Variants in GRXCR1 observed in about 807,000 individuals in gnomAD.
The protein encoded by GRXCR1 is glutaredoxin and cysteine rich domain containing 1, also known as glutaredoxin domain-containing cysteine-rich protein 1.
Under a neutral mutation model 27.3 loss-of-function variants are expected in GRXCR1, and 27 were observed. The ratio of observed to expected loss-of-function variants is 0.99; its 90% CI spans 0.73 to 1.37. The LOEUF is 1.37. GRXCR1 is among the 40% of genes most tolerant of loss of function. The pLI is 0.00. For missense variants in GRXCR1, 379 were observed against 354.4 expected (o/e 1.07, Z -0.56); for synonymous variants, 122 against 131.1 (o/e 0.93, Z 0.47).
chr4:43,024,030 G>C lies in GRXCR1; in HGVS notation c.693+3611G>C, dbSNP rs116282011. 4.4e-3 allele frequency among the ~76,000 whole-genome samples: 676 copies of C among 152,168 alleles called. 9 individuals carry two copies. Among genetic ancestry groups the C allele is most frequent in the African/African-American group, 0.014 (567 of 41,522 alleles). ...TCCATGCAGGGAGAGCCAGGGGAGT[G>C]CTGAGATATATTACCATACCACTGG... On this transcript the variant is annotated intron_variant, in intron 3 of 3. Coordinates refer to ENST00000399770, the MANE Select transcript of GRXCR1 (RefSeq NM_001080476.3).
intron 2 of GRXCR1, among the ~76,000 whole-genome samples, chr4:42,995,418 A>T (rs1417462901): frequency 1.3e-5 from 2 of 151,992 alleles, no homozygotes; most frequent in African/African-American, 4.8e-5. Flanking sequence ...TCCATTTAAT[A>T]TTTTTTTTGG....
intron 1 of GRXCR1, among the ~76,000 whole-genome samples, chr4:42,910,975 T>C (rs1000175301): frequency 6.6e-6 from 1 of 152,148 alleles, no homozygotes; most frequent in Non-Finnish European, 1.5e-5. Flanking sequence ...CTTCTATAGC[T>C]CTTGTAACAC....
chr4:42,965,810 C>A (rs532401892), intron 2 of GRXCR1, among the ~76,000 whole-genome samples: 1 of 151,904 alleles, frequency 6.6e-6, no homozygotes, highest in African/African-American at 2.4e-5. Flanking sequence ...TGGAGGCAGA[C>A]TGGGGGAGAT....
At chr4:43,001,249 GTCTC>G (rs1712347345) in intron 2 of GRXCR1, among the ~76,000 whole-genome samples, 1 of 152,002 alleles carries the variant, frequency 6.6e-6, no homozygotes, top group Non-Finnish European at 1.5e-5. Flanking sequence ...CTTTTAGTGA[GTCTC>G]TACTTTGCTC....
At chr4:42,972,410 G>T (rs559075603) in intron 2 of GRXCR1, among the ~76,000 whole-genome samples, 20 of 152,218 alleles carry the variant, frequency 1.3e-4, no homozygotes, top group African/African-American at 2.9e-4. Flanking sequence ...TTAAAGCCAC[G>T]AAGTGTTTGT....
chr4:42,915,643 G>A (rs1044723665), intron 1 of GRXCR1, among the ~76,000 whole-genome samples: 5 of 151,954 alleles, frequency 3.3e-5, no homozygotes, highest in African/African-American at 9.7e-5. Flanking sequence ...ATCTTGACAC[G>A]TCTCATATAA....
chr4:42,953,756 C>T (rs557071252), intron 1 of GRXCR1, among the ~76,000 whole-genome samples: 1 of 152,042 alleles, frequency 6.6e-6, no homozygotes, highest in East Asian at 1.9e-4. Context: ...ATTTTTTGTT[C>T]ATAGCAATAA....
chr4:42,927,377 G>A (rs1258819357), intron 1 of GRXCR1, among the ~76,000 whole-genome samples: 2 of 151,954 alleles, frequency 1.3e-5, no homozygotes, highest in African/African-American at 2.4e-5. Context: ...GCATGCTTAC[G>A]CCCCTGCTAC....
chr4:42,998,250 C>T (rs1712239465), intron 2 of GRXCR1, among the ~76,000 whole-genome samples: 1 of 152,176 alleles, frequency 6.6e-6, no homozygotes, highest in Non-Finnish European at 1.5e-5. Context: ...TGAAAAACAT[C>T]AGCAAATTCA....
At chr4:42,923,156 A>C (rs1404472546) in intron 1 of GRXCR1, among the ~76,000 whole-genome samples, 1 of 152,068 alleles carries the variant, frequency 6.6e-6, no homozygotes, top group Non-Finnish European at 1.5e-5. Flanking sequence ...CCCCTCCATA[A>C]GGGAGGGAGG....
intron 1 of GRXCR1, among the ~76,000 whole-genome samples, chr4:42,929,339 C>T (rs1209845529): frequency 6.6e-5 from 10 of 151,962 alleles, no homozygotes; most frequent in Non-Finnish European, 1.3e-4. Context: ...TAATAGCCTG[C>T]ATAGGAAGCA....
chr4:42,970,290 T>G (rs34307733), intron 2 of GRXCR1, among the ~76,000 whole-genome samples: 7,109 of 152,144 alleles, frequency 0.047, 212 homozygotes, highest in African/African-American at 0.078. Context: ...GATGGCCTTC[T>G]TCTCATAGCT....
intron 2 of GRXCR1, among the ~76,000 whole-genome samples, chr4:42,978,460 G>A (rs1352519880): frequency 3.3e-5 from 5 of 151,858 alleles, no homozygotes; most frequent in Non-Finnish European, 5.9e-5. Flanking sequence ...TCATTTATTT[G>A]TGTTTTCTTC....
chr4:42,992,752 G>A lies in GRXCR1; in HGVS notation c.628-27602G>A, dbSNP rs375802160. 4.4e-4 allele frequency among the ~76,000 whole-genome samples: 67 copies of A among 152,174 alleles called. 2 individuals are homozygous for A. In the South Asian group the frequency reaches 1.0e-2, roughly 23 times the overall value. On this transcript the variant is annotated intron_variant, in intron 2 of 3. Transcript: ENST00000399770. The stretch of plus-strand genomic sequence containing the variant: ...CATTACATTCAGAATCCTAAGGTGA[G>A]GTGATTGTGAGTGATGATAAAATTA...
At position 42,893,036 on chromosome 4, in the gene GRXCR1, A is replaced by T. The variant is rs1746267857; in HGVS notation, c.-231A>T. On this transcript the variant is annotated 5_prime_UTR_variant, in exon 1 of 4. Coordinates refer to ENST00000399770, the MANE Select transcript of GRXCR1 (RefSeq NM_001080476.3). ...GGCTATTTAATATTTAAAGGCTGAG[A>T]TCATTTTGCGGGTTTTAGTTTAAAG... 6.6e-6 allele frequency among the ~76,000 whole-genome samples: 1 copy of T among 152,106 alleles called. No homozygotes were observed. Among genetic ancestry groups the T allele is most frequent in the Admixed American group, 6.6e-5 (1 of 15,256 alleles).
intron 1 of GRXCR1, among the ~76,000 whole-genome samples, chr4:42,922,353 G>A (rs1747034535): frequency 6.6e-6 from 1 of 152,016 alleles, no homozygotes; most frequent in Admixed American, 6.6e-5. Context: ...CCTGTGTGTG[G>A]TCAGCCTAGT....
At chr4:42,915,276 G>T (rs1001036360) in intron 1 of GRXCR1, among the ~76,000 whole-genome samples, 1 of 152,094 alleles carries the variant, frequency 6.6e-6, no homozygotes, top group Admixed American at 6.6e-5. Flanking sequence ...TGGGAACGAT[G>T]CAAGGCCATG....
intron 2 of GRXCR1, among the ~76,000 whole-genome samples, chr4:43,010,387 G>A (rs1428964464): frequency 1.4e-5 from 2 of 147,994 alleles, no homozygotes; most frequent in African/African-American, 5.1e-5. Context: ...TCGGTAACAA[G>A]AGAGAAACTC....
In GRXCR1 at chr4:42,990,173, C is replaced by CTTTTTTTTTTTTTTTT. The variant is rs745784596; in HGVS notation, c.627+27060_627+27075dup. Among the ~76,000 whole-genome samples, 27 of 46,230 alleles carry CTTTTTTTTTTTTTTTT rather than the reference C, an allele frequency of 5.8e-4. 10 individuals are homozygous for CTTTTTTTTTTTTTTTT. Among genetic ancestry groups the CTTTTTTTTTTTTTTTT allele is most frequent in the East Asian group, 7.8e-4 (1 of 1,284 alleles). The allele number at this position is 46,230 out of a possible 152,430, so 30.3% of individuals were successfully genotyped here. A position where few individuals can be genotyped will look rare whatever the true frequency, so the allele number is the denominator to read the frequency against. ...AACTTCTTGAATTGAATTATTAGTT[C>CTTTTTTTTTTTTTTTT]TTTTTTTTTTTTTTTTTTTTTTTTT... On this transcript the variant is annotated intron_variant, in intron 2 of 3. Coordinates refer to ENST00000399770, the MANE Select transcript of GRXCR1 (RefSeq NM_001080476.3).
Sources: allele counts gnomAD v4.1 joint callset (sites outside exome capture counted in the v4.1 genomes callset), GRCh38; gene constraint gnomAD v4.1.1; transcripts MANE v1.5; gene names NCBI Gene and HGNC (gene_info 2026-07-23, HGNC 2026-07-21).